RGPD3: variants seen among roughly 807,000 people sequenced by gnomAD.
The protein encoded by RGPD3 is RANBP2 like and GRIP domain containing 3, also known as ranBP2-like and GRIP domain-containing protein 3.
In RGPD3, 62 loss-of-function variants were observed where a neutral mutation model predicts 154.5. The ratio of observed to expected loss-of-function variants is 0.40; its 90% CI spans 0.33 to 0.50. The LOEUF (loss-of-function observed/expected upper bound fraction) is 0.50. Ranked by LOEUF, RGPD3 falls within the 20% of genes least tolerant of loss-of-function variation. The pLI is 0.59. For synonymous variants in RGPD3, 308 were observed against 607.0 expected (o/e 0.51, Z 7.24); for missense variants, 919 against 1,716.8 (o/e 0.54, Z 8.21).
chr2:106,437,838 C>A (rs1165966592), intron 9 of RGPD3, among the ~76,000 whole-genome samples: 3 of 151,954 alleles, frequency 2.0e-5, no homozygotes, highest in Non-Finnish European at 1.5e-5. Context: ...AATACAGAGA[C>A]TATGGGAGAG....
intron 20 of RGPD3, among the ~76,000 whole-genome samples, chr2:106,418,823 C>T (rs1676893165): frequency 6.7e-6 from 1 of 150,370 alleles, no homozygotes; most frequent in African/African-American, 2.4e-5. Context: ...CCGCCTTGGC[C>T]TCCCAAAGTG....
chr2:106,433,063 G>C (rs1403935742), intron 16 of RGPD3, 43 bp downstream of exon 16: 1 of 1,610,608 alleles, frequency 6.2e-7, no homozygotes, highest in Non-Finnish European at 8.5e-7. Context: ...AAAACACTTA[G>C]AAACAATTTC....
chr2:106,457,012 C>G lies in RGPD3; in HGVS notation c.364G>C (p.Ala122Pro), dbSNP rs780423583. Residue 122 changes from alanine to proline, a missense_variant, in exon 4 of 23, where the codon GCA becomes CCA. By Grantham distance (27) the Ala-to-Pro change is conservative. Coordinates refer to ENST00000409886, the MANE Select transcript of RGPD3 (RefSeq NM_001144013.2). ...GRAEYWVERA[A>P]KLFPGSPAIY... Reference sequence around the variant, plus strand: ...GCAGGACTTCCTGGGAAAAGTTTTGCTGCTCTTTCCACCCAGTATTCTGCT... The same window carrying G: ...GCAGGACTTCCTGGGAAAAGTTTTGGTGCTCTTTCCACCCAGTATTCTGCT... 46 of 1,611,270 alleles carry G rather than the reference C, an allele frequency of 2.9e-5. No homozygotes were observed. In the Middle Eastern group the frequency reaches 1.8e-3, roughly 63 times the overall value.
intron 20 of RGPD3, 123 bp downstream of exon 20, chr2:106,422,920 A>G (rs1018506413): frequency 1.9e-6 from 3 of 1,587,760 alleles, no homozygotes; most frequent in Non-Finnish European, 2.6e-6. Context: ...TTGCTCAAAT[A>G]TTTTAGGGGT....
Position 106,412,986 on chromosome 2 carries a change from G to A in RGPD3, c.5266+98C>T. On this transcript the variant is annotated intron_variant, in intron 22 of 22. Transcript: ENST00000409886. ...CATATGACAGACCCAATTCAAATGA[G>A]CAAAATTGAAAAGTTACACATACAG... 3 of 1,557,284 alleles carry A rather than the reference G, an allele frequency of 1.9e-6. No homozygotes were observed. In the South Asian group the frequency reaches 3.4e-5, roughly 18 times the overall value.
intron 17 of RGPD3, among the ~76,000 whole-genome samples, chr2:106,432,356 G>C (rs1166312560): frequency 2.7e-5 from 4 of 148,474 alleles, no homozygotes; most frequent in African/African-American, 4.9e-5. Flanking sequence ...GGGAGGCTGA[G>C]GCAGGAGAGT....
At chr2:106,468,775 T>C (rs1177784308), upstream of RGPD3, among the ~76,000 whole-genome samples, 4 of 118,210 alleles carry the variant, frequency 3.4e-5, no homozygotes, top group African/African-American at 1.3e-4. Context: ...CACTGTACTC[T>C]AGCCTGGATG....
chr2:106,412,600 C>T (rs1345344427), intron 22 of RGPD3, among the ~76,000 whole-genome samples: 6 of 151,810 alleles, frequency 4.0e-5, no homozygotes, highest in African/African-American at 9.7e-5. Flanking sequence ...GAACCACCGG[C>T]GCCTGGCCTA....
At chr2:106,458,727 TAAAAAAA>T (rs57559694) in intron 2 of RGPD3, among the ~76,000 whole-genome samples, 1 of 36,328 alleles carries the variant, frequency 2.8e-5, no homozygotes, top group African/African-American at 8.0e-5. Context: ...AGATACTGCC[TAAAAAAA>T]AAAAAAAAAA....
intron 18 of RGPD3, among the ~76,000 whole-genome samples, chr2:106,427,107 T>G (rs1325162636): frequency 6.6e-6 from 1 of 150,948 alleles, no homozygotes; most frequent in East Asian, 1.9e-4. Context: ...GTAGGGACTT[T>G]AATTGACTAC....
chr2:106,409,517 T>C (rs1006294896), intron 22 of RGPD3, among the ~76,000 whole-genome samples: 1 of 152,216 alleles, frequency 6.6e-6, no homozygotes, highest in Non-Finnish European at 1.5e-5. Context: ...ATTACACCAA[T>C]GCTGTTGAGA....
Position 106,409,895 on chromosome 2 carries a change from A to G in RGPD3, c.5266+3189T>C, listed in dbSNP as rs1353810023. 7.2e-5 allele frequency among the ~76,000 whole-genome samples: 8 copies of G among 110,668 alleles called. No homozygotes were observed. The East Asian group carries it at 2.0e-3, about 27-fold the overall frequency. The allele number at this position is 110,668 out of a possible 152,430, so 72.6% of individuals were successfully genotyped here. A position where few individuals can be genotyped will look rare whatever the true frequency, so the allele number is the denominator to read the frequency against. ...ACTTTTTTTTTTTTTTTTTTTTGAG[A>G]TAAGAGTTTTGATCTTGTTGCTCAG... On this transcript the variant is annotated intron_variant, in intron 22 of 22. Transcript: ENST00000409886.
chr2:106,441,863 CA>C (rs1166971652), intron 7 of RGPD3, among the ~76,000 whole-genome samples: 900 of 13,550 alleles, frequency 0.066, no homozygotes, highest in Non-Finnish European at 0.075. Flanking sequence ...GACTCCATCG[CA>C]AAAAAAAAAA....
At chr2:106,440,335 GGGCAATTA>G (rs1191489351) in intron 8 of RGPD3, among the ~76,000 whole-genome samples, 2 of 147,474 alleles carry the variant, frequency 1.4e-5, no homozygotes, top group African/African-American at 5.1e-5. Flanking sequence ...TAATTCTGCT[GGGCAATTA>G]GGTTTGGTTA....
At chr2:106,411,726 G>A (rs574817498) in intron 22 of RGPD3, among the ~76,000 whole-genome samples, 1 of 152,080 alleles carries the variant, frequency 6.6e-6, no homozygotes, top group Non-Finnish European at 1.5e-5. Context: ...GCTGAGGCAG[G>A]AGAATCGCTT....
rs562399411 is a variant in RGPD3, at chr2:106,422,950, T to C, written c.4924+93A>G. The C allele has an allele frequency of 1.1e-4, 171 of 1,599,112 alleles. No individual in the cohort carries two copies. The African/African-American group carries it at 1.9e-3, about 18-fold the overall frequency. On this transcript the variant is annotated intron_variant, in intron 20 of 22. Coordinates refer to ENST00000409886, the MANE Select transcript of RGPD3 (RefSeq NM_001144013.2). ...AGGGGTGTTCACAAAGCATCGTTCA[T>C]ATCCCAACATTAGTATCCCACAAAG...
intron 1 of RGPD3, among the ~76,000 whole-genome samples, chr2:106,465,095 T>C (rs566770517): frequency 3.4e-4 from 52 of 151,604 alleles, no homozygotes; most frequent in Middle Eastern, 3.4e-3. Flanking sequence ...AGACGCATCA[T>C]CACACTCCAA....
At chr2:106,454,415 ACCAC>A (rs1678188127) in intron 4 of RGPD3, among the ~76,000 whole-genome samples, 1 of 149,808 alleles carries the variant, frequency 6.7e-6, no homozygotes, top group Non-Finnish European at 1.5e-5. Flanking sequence ...TTTTTTAAAA[ACCAC>A]TATGAGTGCT....
At chr2:106,441,775 G>T (rs1179781808) in intron 7 of RGPD3, among the ~76,000 whole-genome samples, 2 of 143,654 alleles carry the variant, frequency 1.4e-5, no homozygotes, top group Non-Finnish European at 3.0e-5. Context: ...GAGGCACAAG[G>T]ATAGCTTGAA....
Sources: allele counts gnomAD v4.1 joint callset (sites outside exome capture counted in the v4.1 genomes callset), GRCh38; gene constraint gnomAD v4.1.1; transcripts MANE v1.5; gene names NCBI Gene and HGNC (gene_info 2026-07-23, HGNC 2026-07-21).